The following CDH19 variants were observed in gnomAD, a reference collection of about 807,000 sequenced individuals.
The protein encoded by CDH19 is cadherin-19.
CDH19 carries 67 observed loss-of-function variants against 64.2 expected under a neutral mutation model. The ratio of observed to expected loss-of-function variants is 1.04; its 90% CI spans 0.86 to 1.28. The LOEUF is 1.28. CDH19 is among the 50% of genes most tolerant of loss of function. The pLI, the probability that CDH19 is intolerant of heterozygous loss-of-function variation, is 0.00. For missense variants in CDH19, 1,030 were observed against 929.0 expected (o/e 1.11, Z -1.41); for synonymous variants, 346 against 319.3 (o/e 1.08, Z -0.89).
At chr18:66,518,286 T>G (rs148537794) in intron 9 of CDH19, among the ~76,000 whole-genome samples, 2 of 152,112 alleles carry the variant, frequency 1.3e-5, no homozygotes, top group South Asian at 4.1e-4. Context: ...CAGGCTTGAG[T>G]GCAACGGTGC....
rs977826659 is a variant in CDH19, at chr18:66,503,686, CTAAA to C, written c.*1122_*1125del. On this transcript the variant is annotated 3_prime_UTR_variant, in exon 12 of 12. Transcript: ENST00000262150. ...ATGAAAAAAAATCTATGACAAACAC[CTAAA>C]TATATTTTCCTTTTTAATACAAAGT... The C allele has an allele frequency of 2.6e-5, 4 of 151,562 alleles. No homozygotes were observed. The highest frequency in any genetic ancestry group is 9.7e-5 in the African/African-American group (4 of 41,320). 9.4% of individuals were successfully genotyped at this position (151,562 alleles called of 1,614,324 possible). A position where few individuals can be genotyped will look rare whatever the true frequency, so the allele number is the denominator to read the frequency against.
intron 3 of CDH19, among the ~76,000 whole-genome samples, chr18:66,563,527 T>A (rs573877777): frequency 3.9e-5 from 6 of 152,052 alleles, no homozygotes; most frequent in Non-Finnish European, 8.8e-5. Flanking sequence ...TCTGCATATG[T>A]AATTTCTGCA....
chr18:66,536,279 T>C (rs1220140033), intron 7 of CDH19, among the ~76,000 whole-genome samples: 1 of 151,730 alleles, frequency 6.6e-6, no homozygotes, highest in African/African-American at 2.4e-5. Flanking sequence ...TCCAAAAACA[T>C]TATGCTACTT....
At chr18:66,518,238 T>C (rs1985823252) in intron 9 of CDH19, among the ~76,000 whole-genome samples, 1 of 152,124 alleles carries the variant, frequency 6.6e-6, no homozygotes, top group African/African-American at 2.4e-5. Flanking sequence ...TACTTATTTA[T>C]TTATTTATTT....
chr18:66,584,415 A>C (rs972950355), intron 1 of CDH19, among the ~76,000 whole-genome samples: 1 of 152,094 alleles, frequency 6.6e-6, no homozygotes, highest in African/African-American at 2.4e-5. Context: ...TATTTACATT[A>C]GTTCATTTAT....
intron 8 of CDH19, among the ~76,000 whole-genome samples, chr18:66,530,312 T>C (rs991189779): frequency 6.6e-6 from 1 of 152,078 alleles, no homozygotes; most frequent in African/African-American, 2.4e-5. Context: ...ATTAACTCAT[T>C]TAATTTTGAT....
intron 1 of CDH19, among the ~76,000 whole-genome samples, chr18:66,588,641 T>TATATATATATATATAA (rs1485058332): frequency 1.4e-5 from 2 of 145,252 alleles, no homozygotes; most frequent in Non-Finnish European, 1.5e-5. Flanking sequence ...TATATATAGA[T>TATATATATATATATAA]ACAGCTCAGA....
Position 66,504,512 on chromosome 18 carries a change from T to G in CDH19, c.*300A>C. On this transcript the variant is annotated 3_prime_UTR_variant, in exon 12 of 12. Transcript: ENST00000262150. The stretch of plus-strand genomic sequence containing the variant: ...CTAAGTAAATAATGATATAATCGCA[T>G]AAGGATCGACTACATCTTGTGTCCT... 3.9e-6 allele frequency: 1 copy of G among 258,890 alleles called. No individual in the cohort carries two copies. The highest frequency in any genetic ancestry group is 7.3e-6 in the Non-Finnish European group (1 of 136,494). 16.0% of individuals were successfully genotyped at this position (258,890 alleles called of 1,614,324 possible). A position where few individuals can be genotyped will look rare whatever the true frequency, so the allele number is the denominator to read the frequency against.
At chr18:66,554,853 A>G (rs1987462790) in intron 3 of CDH19, among the ~76,000 whole-genome samples, 1 of 151,858 alleles carries the variant, frequency 6.6e-6, no homozygotes, top group African/African-American at 2.4e-5. Flanking sequence ...TCCAAGGTGT[A>G]TTATTAGTGG....
intron 1 of CDH19, among the ~76,000 whole-genome samples, chr18:66,597,175 A>AAAAAAAAAAAAAG (rs1988921320): frequency 1.3e-5 from 2 of 149,146 alleles, no homozygotes; most frequent in Non-Finnish European, 1.5e-5. Flanking sequence ...AAAAAAAAAA[A>AAAAAAAAAAAAAG]AAAAGCTGGA....
intron 2 of CDH19, 151 bp from the exon 3 acceptor site, chr18:66,568,861 T>A: frequency 1.6e-6 from 1 of 628,496 alleles, no homozygotes; most frequent in Non-Finnish European, 2.7e-6. Context: ...AATATTAATA[T>A]CAAGATTAAA....
At position 66,511,693 on chromosome 18, in the gene CDH19, A is replaced by G. The variant is rs1381227983; in HGVS notation, c.1459-8T>C. On this transcript the variant is annotated splice_region_variant and splice_polypyrimidine_tract_variant and intron_variant, in intron 9 of 11. Transcript: ENST00000262150. ...ACTGATAGTCTGAATTACCTAAAAA[A>G]AAAGGGGGATAGATTTTTGTTGTTG... 7.7e-7 allele frequency: 1 copy of G among 1,300,996 alleles called. No homozygotes were observed. Among genetic ancestry groups the G allele is most frequent in the South Asian group, 1.2e-5 (1 of 81,626 alleles). The allele number at this position is 1,300,996 out of a possible 1,614,324, so 80.6% of individuals were successfully genotyped here.
rs761788050 is a variant in CDH19, at chr18:66,544,169, T to C, written c.1016A>G (p.His339Arg). The C allele has an allele frequency of 3.7e-6, 6 of 1,613,756 alleles. No individual in the cohort carries two copies. The highest frequency in any genetic ancestry group is 1.3e-5 in the African/African-American group (1 of 74,916). Reference protein sequence around the residue: ...HYGIRAKVKNHHVPEQLMKYH... With the variant: ...HYGIRAKVKNRHVPEQLMKYH... ...CTTCATGAGCTGCTCAGGAACATGA[T>C]GGTTTTTAACTTTTGCTCTAATACC... The change falls in exon 7 of 12, where the codon CAT becomes CGT. Residue 339 changes from histidine to arginine, a missense_variant. His to Arg is a conservative substitution (Grantham distance 29, BLOSUM62 0). Coordinates refer to ENST00000262150, the MANE Select transcript of CDH19 (RefSeq NM_021153.4).
At chr18:66,510,224 C>T (rs1470210212) in intron 10 of CDH19, among the ~76,000 whole-genome samples, 1 of 151,638 alleles carries the variant, frequency 6.6e-6, no homozygotes, top group Admixed American at 6.6e-5. Context: ...TTTTTAAAGA[C>T]AATTCACTAT....
chr18:66,551,402 T>TA lies in CDH19; in HGVS notation c.611-145dup, dbSNP rs946447498. 4.1e-5 allele frequency: 24 copies of TA among 584,842 alleles called. 1 individual carries two copies. The South Asian group carries it at 4.7e-4, about 11-fold the overall frequency. 36.2% of individuals were successfully genotyped at this position (584,842 alleles called of 1,614,324 possible). A position where few individuals can be genotyped will look rare whatever the true frequency, so the allele number is the denominator to read the frequency against. ...CAGAGACTTCACTAGAGAAAAATAATAAAAAATAAATTAAACATCAACACT... is the reference window on the plus strand; with the variant it reads ...CAGAGACTTCACTAGAGAAAAATAATAAAAAAATAAATTAAACATCAACACT... On this transcript the variant is annotated intron_variant, in intron 4 of 11. Coordinates refer to ENST00000262150, the MANE Select transcript of CDH19 (RefSeq NM_021153.4).
At chr18:66,513,477 T>C (rs953495928) in intron 9 of CDH19, among the ~76,000 whole-genome samples, 5 of 151,448 alleles carry the variant, frequency 3.3e-5, no homozygotes, top group Non-Finnish European at 7.4e-5. Context: ...AAATGAGTCA[T>C]ATATCAAGTA....
chr18:66,517,833 C>G (rs947226960), intron 9 of CDH19, among the ~76,000 whole-genome samples: 1 of 139,912 alleles, frequency 7.1e-6, no homozygotes, highest in Non-Finnish European at 1.6e-5. Context: ...TATATTATAT[C>G]AAATAAACAT....
At chr18:66,580,279 G>T (rs1312635937) in intron 1 of CDH19, among the ~76,000 whole-genome samples, 1 of 151,922 alleles carries the variant, frequency 6.6e-6, no homozygotes, top group African/African-American at 2.4e-5. Context: ...TGTATATAAA[G>T]TAGCAGTTGT....
intron 7 of CDH19, among the ~76,000 whole-genome samples, chr18:66,539,238 T>C (rs1161527793): frequency 6.6e-6 from 1 of 152,194 alleles, no homozygotes; most frequent in Non-Finnish European, 1.5e-5. Flanking sequence ...AACTATATTA[T>C]TTCTCTCCAG....
Sources: allele counts gnomAD v4.1 joint callset (sites outside exome capture counted in the v4.1 genomes callset), GRCh38; gene constraint gnomAD v4.1.1; transcripts MANE v1.5; gene names NCBI Gene and HGNC (gene_info 2026-07-23, HGNC 2026-07-21).